The following ACTL8 variants were observed in gnomAD, a reference collection of about 807,000 sequenced individuals.
ACTL8 encodes actin-like protein 8.
Under a neutral mutation model 9.3 loss-of-function variants are expected in ACTL8, and 3 were observed. The observed-to-expected ratio is 0.32, with a 90% confidence interval of 0.15 to 0.83. The LOEUF (loss-of-function observed/expected upper bound fraction) is 0.83. Among genes scored for constraint, ACTL8 ranks in the 40% least tolerant of loss-of-function variants. The pLI is 0.57. For missense variants in ACTL8, 381 were observed against 492.2 expected (o/e 0.77, Z 2.14); for synonymous variants, 224 against 205.9 (o/e 1.09, Z -0.75).
rs1022505495 is a variant in ACTL8, at chr1:17,796,024, G to GGA, written c.-24-26955_-24-26954dup. On this transcript the variant is annotated intron_variant, in intron 1 of 2. Transcript: ENST00000375406. The stretch of plus-strand genomic sequence containing the variant: ...GGCCTTTAAAAGCTGAGCTAGGGAG[G>GGA]GAGAGAGCCCAGCTGGTGGCTCGCT... Among the ~76,000 whole-genome samples the GGA allele has an allele frequency of 5.5e-4, 83 of 152,270 alleles. 1 individual carries two copies. Among genetic ancestry groups the GGA allele is most frequent in the African/African-American group, 1.9e-3 (77 of 41,566 alleles).
intron 1 of ACTL8, among the ~76,000 whole-genome samples, chr1:17,769,105 C>T (rs952994695): frequency 3.9e-5 from 6 of 152,128 alleles, no homozygotes; most frequent in Non-Finnish European, 7.4e-5. Flanking sequence ...CTTCTTGCTA[C>T]GTCGCCCAGG....
intron 1 of ACTL8, among the ~76,000 whole-genome samples, chr1:17,783,352 G>GTT (rs1369867396): frequency 1.8e-5 from 2 of 110,754 alleles, no homozygotes; most frequent in South Asian, 6.9e-4. Flanking sequence ...TTTTTGTTTT[G>GTT]TTTTTTTTTT....
At position 17,825,899 on chromosome 1, in the gene ACTL8, C is replaced by T. The variant is rs2053712085; in HGVS notation, c.481C>T (p.His161Tyr). The change falls in exon 3 of 3, where the codon CAC becomes TAC. Residue 161 changes from histidine to tyrosine, a missense_variant. His to Tyr is a moderately conservative substitution (Grantham distance 83). This residue lies in a region of ACTL8 where 13 missense variants were observed against 35.4 expected (regional missense o/e 0.37). Coordinates refer to ENST00000375406, the MANE Select transcript of ACTL8 (RefSeq NM_030812.3). ...TGGCCTGACCCGCGTGCAGCCTTTC[C>T]ACCAGGGCCGCCCCTTGCCCGCCAG... is the stretch of plus-strand genomic sequence containing the variant. ...GYGLTRVQPF[H>Y]QGRPLPASGK... 1.2e-6 allele frequency: 2 copies of T among 1,613,452 alleles called. No homozygotes were observed. Among genetic ancestry groups the T allele is most frequent in the Non-Finnish European group, 1.7e-6 (2 of 1,180,032 alleles).
intron 1 of ACTL8, among the ~76,000 whole-genome samples, chr1:17,799,502 T>C (rs2102691827): frequency 6.6e-6 from 1 of 152,278 alleles, no homozygotes; most frequent in African/African-American, 2.4e-5. Context: ...TTCCATGTCA[T>C]TTTTAGATGT....
Position 17,826,058 on chromosome 1 carries a change from G to C in ACTL8, c.640G>C (p.Val214Leu). The C allele has an allele frequency of 1.2e-6, 2 of 1,607,016 alleles. No homozygotes were observed. The highest frequency in any genetic ancestry group is 2.2e-5 in the South Asian group (2 of 91,086). Reference sequence around the variant, plus strand: ...CGTGACTCAGATGAACAAGTGCTACGTGCCGCAGAATCTGGGGGAGGCCCT... The same window carrying C: ...CGTGACTCAGATGAACAAGTGCTACCTGCCGCAGAATCTGGGGGAGGCCCT... ...VAVTQMNKCYVPQNLGEALDF... is the reference protein window; with the variant it reads ...VAVTQMNKCYLPQNLGEALDF... The change falls in exon 3 of 3, where the codon GTG becomes CTG. Residue 214 changes from valine (V) to leucine (L), a missense_variant. This residue lies in a region of ACTL8 where 243 missense variants were observed against 276.2 expected (regional missense o/e 0.88). Transcript: ENST00000375406. The surrounding 1 kb of genome is among the most constrained non-coding windows in gnomAD (Gnocchi z 4.5).
intron 1 of ACTL8, among the ~76,000 whole-genome samples, chr1:17,799,200 C>T (rs189565847): frequency 1.3e-5 from 2 of 152,336 alleles, no homozygotes; most frequent in Admixed American, 1.3e-4. Flanking sequence ...ACCGTGTTCC[C>T]AGATGCCTTT....
chr1:17,796,236 A>G (rs764750323), intron 1 of ACTL8, among the ~76,000 whole-genome samples: 6 of 151,828 alleles, frequency 4.0e-5, no homozygotes, highest in Non-Finnish European at 8.8e-5. Context: ...AAGAGGAGGA[A>G]GAGGTGGTTT....
chr1:17,762,481 C>T (rs1306573611), intron 1 of ACTL8, among the ~76,000 whole-genome samples: 2 of 152,138 alleles, frequency 1.3e-5, no homozygotes, highest in East Asian at 1.9e-4. Context: ...AGGCTCACAC[C>T]TGGGCCGGGA....
At chr1:17,803,061 T>C (rs1051526651) in intron 1 of ACTL8, among the ~76,000 whole-genome samples, 1 of 152,182 alleles carries the variant, frequency 6.6e-6, no homozygotes, top group African/African-American at 2.4e-5. Context: ...TCATCTTGAA[T>C]TGTAGTTCCC....
chr1:17,803,096 G>A (rs943291220), intron 1 of ACTL8, among the ~76,000 whole-genome samples: 8 of 152,194 alleles, frequency 5.3e-5, no homozygotes, highest in African/African-American at 1.9e-4. Context: ...TTGTGGGAGG[G>A]ACTTGGTGGG....
At chr1:17,763,709 G>A (rs1205887601) in intron 1 of ACTL8, among the ~76,000 whole-genome samples, 1 of 152,218 alleles carries the variant, frequency 6.6e-6, no homozygotes, top group Non-Finnish European at 1.5e-5. Flanking sequence ...GGCACCTAGG[G>A]CAGGGGAAGG....
chr1:17,816,154 G>A (rs548571429), intron 1 of ACTL8, among the ~76,000 whole-genome samples: 3 of 151,072 alleles, frequency 2.0e-5, no homozygotes, highest in East Asian at 1.9e-4. Context: ...ACTCTGTTAC[G>A]AACTATATTC....
chr1:17,764,472 A>G (rs749208518), intron 1 of ACTL8, among the ~76,000 whole-genome samples: 28 of 152,256 alleles, frequency 1.8e-4, no homozygotes, highest in Admixed American at 4.6e-4. Context: ...TCTGTTAGGC[A>G]TGGTCAGGAA....
At chr1:17,770,641 C>CA (rs1263035171) in intron 1 of ACTL8, among the ~76,000 whole-genome samples, 1 of 152,034 alleles carries the variant, frequency 6.6e-6, no homozygotes, top group Non-Finnish European at 1.5e-5. Flanking sequence ...TCATACTGGC[C>CA]AATGTGCTGG....
chr1:17,809,580 G>A (rs1250399402), intron 1 of ACTL8, among the ~76,000 whole-genome samples: 2 of 152,152 alleles, frequency 1.3e-5, no homozygotes, highest in Non-Finnish European at 2.9e-5. Context: ...ATTACTGCCT[G>A]AGCTCCACCT....
chr1:17,783,507 G>T (rs2066172488), intron 1 of ACTL8, among the ~76,000 whole-genome samples: 1 of 152,112 alleles, frequency 6.6e-6, no homozygotes. Context: ...CGAAAACATT[G>T]ATTACTTAAT....
intron 1 of ACTL8, among the ~76,000 whole-genome samples, chr1:17,801,775 A>G (rs1328538408): frequency 6.6e-6 from 1 of 152,244 alleles, no homozygotes; most frequent in African/African-American, 2.4e-5. Context: ...ATTAAGAAGC[A>G]AAATACAAAT....
chr1:17,817,705 C>CTT (rs34283487), intron 1 of ACTL8, among the ~76,000 whole-genome samples: 2,928 of 148,638 alleles, frequency 0.02, 106 homozygotes, highest in African/African-American at 0.067. Flanking sequence ...TTCTTTCTTT[C>CTT]TTTTCTTTTT....
At chr1:17,768,903 C>A (rs916090286) in intron 1 of ACTL8, among the ~76,000 whole-genome samples, 1 of 152,048 alleles carries the variant, frequency 6.6e-6, no homozygotes, top group Non-Finnish European at 1.5e-5. Flanking sequence ...GGAAGCAGAG[C>A]GGGAGGAGTG....
Sources: gnomAD v4.1 joint callset for allele counts (sites outside exome capture counted in the v4.1 genomes callset) on GRCh38, gnomAD v4.1.1 for gene constraint, gnomAD v4.1.1 regional missense constraint, Gnocchi (gnomAD v3.1) non-coding constraint, MANE v1.5 for transcripts, NCBI Gene and HGNC (gene_info 2026-07-23, HGNC 2026-07-21) for gene names.